The following KNG1 variants were observed in gnomAD, a reference collection of about 807,000 sequenced individuals.
KNG1 encodes the protein kininogen 1.
In KNG1, 23 loss-of-function variants were observed where a neutral mutation model predicts 47.8. The observed-to-expected ratio is 0.48, with a 90% confidence interval of 0.35 to 0.68. The LOEUF (loss-of-function observed/expected upper bound fraction) is 0.68. Ranked by LOEUF, KNG1 falls within the 30% of genes least tolerant of loss-of-function variation. KNG1 has a pLI of 0.01. For missense variants in KNG1, 762 were observed against 790.2 expected, an observed-to-expected ratio of 0.96 and a Z score of 0.43; for synonymous variants, 277 against 277.0, an observed-to-expected ratio of 1.00 and a Z score of 0.00.
intron 5 of KNG1, among the ~76,000 whole-genome samples, chr3:186,729,286 A>T (rs1240033766): frequency 6.6e-6 from 1 of 152,200 alleles, no homozygotes; most frequent in South Asian, 2.1e-4. Context: ...AAACTTAACT[A>T]TAGAATTACT....
In KNG1 at chr3:186,727,358, A is replaced by C; in HGVS notation, c.672+14A>C. The C allele has an allele frequency of 6.9e-7, 1 of 1,456,208 alleles. No individual in the cohort carries two copies. The highest frequency in any genetic ancestry group is 9.6e-7 in the Non-Finnish European group (1 of 1,036,354). The allele number at this position is 1,456,208 out of a possible 1,614,324, so 90.2% of individuals were successfully genotyped here. ...CTTTGGAATGGTGTAAGTAGGCAAA[A>C]ATTTAATGATAAAGTTCTTAGCATT... On this transcript the variant is annotated intron_variant, in intron 5 of 9. Coordinates refer to ENST00000644859, the MANE Select transcript of KNG1 (RefSeq NM_001102416.3).
At chr3:186,719,586 A>G (rs1402912573) in intron 1 of KNG1, among the ~76,000 whole-genome samples, 5 of 152,038 alleles carry the variant, frequency 3.3e-5, no homozygotes, top group Non-Finnish European at 5.9e-5. Flanking sequence ...AAAAGTAGCC[A>G]GGCGTGGTGG....
chr3:186,743,366 C>A lies in KNG1; in HGVS notation c.*1035C>A. ...AGTCTTTTTGCTATGACTTTGAAGA[C>A]CATTGATTTTTGAGAAGCAGAATAA... On this transcript the variant is annotated 3_prime_UTR_variant, in exon 10 of 10. Coordinates refer to ENST00000644859, the MANE Select transcript of KNG1 (RefSeq NM_001102416.3). 1 of 273,406 alleles carries A rather than the reference C, an allele frequency of 3.7e-6. No homozygotes were observed. The highest frequency in any genetic ancestry group is 7.1e-6 in the Non-Finnish European group (1 of 140,892). 16.9% of individuals were successfully genotyped at this position (273,406 alleles called of 1,614,324 possible).
chr3:186,723,803 G>A (rs1014067436), intron 3 of KNG1, among the ~76,000 whole-genome samples: 1 of 151,878 alleles, frequency 6.6e-6, no homozygotes, highest in African/African-American at 2.4e-5. Flanking sequence ...TATGGGCATC[G>A]CCACCACGCC....
intron 1 of KNG1, 102 bp downstream of exon 1, chr3:186,717,839 ACCAC>A (rs1720031131): frequency 1.4e-6 from 1 of 705,506 alleles, no homozygotes; most frequent in Non-Finnish European, 2.4e-6. Flanking sequence ...AGCACCCACC[ACCAC>A]CACCCACCAC....
intron 2 of KNG1, 126 bp downstream of exon 2, chr3:186,720,341 G>A: frequency 1.4e-6 from 1 of 714,830 alleles, no homozygotes. Flanking sequence ...ACATTCCAAT[G>A]TGTAGAAAAG....
rs1473955142 is a variant in KNG1, at chr3:186,743,841, C to G, written c.*1510C>G. 2 of 1,201,512 alleles carry G rather than the reference C, an allele frequency of 1.7e-6. No individual in the cohort carries two copies. The highest frequency in any genetic ancestry group is 2.4e-5 in the South Asian group (2 of 82,562). The allele number at this position is 1,201,512 out of a possible 1,614,324, so 74.4% of individuals were successfully genotyped here. On this transcript the variant is annotated 3_prime_UTR_variant, in exon 10 of 10. Coordinates refer to ENST00000644859, the MANE Select transcript of KNG1 (RefSeq NM_001102416.3). Reference sequence around the variant, plus strand: ...TAGCCCCAACCACCTCTGCCAGCAACCTTGAGAGGAAGGACAAGAAGAAAG... The same window carrying G: ...TAGCCCCAACCACCTCTGCCAGCAAGCTTGAGAGGAAGGACAAGAAGAAAG...
intron 7 of KNG1, among the ~76,000 whole-genome samples, chr3:186,733,900 G>A (rs1365741550): frequency 2.0e-5 from 3 of 151,992 alleles, no homozygotes; most frequent in African/African-American, 2.4e-5. Flanking sequence ...CCCGGGAGGC[G>A]GAGGTTGCAA....
Position 186,720,173 on chromosome 3 carries a change from C to T in KNG1, c.264C>T (p.Gly88=). 6.2e-7 allele frequency: 1 copy of T among 1,613,742 alleles called. No homozygotes were observed. Among genetic ancestry groups the T allele is most frequent in the South Asian group, 1.1e-5 (1 of 91,072 alleles). ...AGGGGGATTGTCCTGTTCAAAGTGG[C>T]AAAACCTGGCAGGACTGTGAGTACA... is the stretch of plus-strand genomic sequence containing the variant. ...IKEGDCPVQS[G]KTWQDCEYKD... Residue 88 remains glycine (G), a synonymous_variant, in exon 2 of 10, where the codon GGC becomes GGT. Coordinates refer to ENST00000644859, the MANE Select transcript of KNG1 (RefSeq NM_001102416.3).
intron 5 of KNG1, among the ~76,000 whole-genome samples, chr3:186,730,087 G>A (rs541653221): frequency 5.3e-5 from 8 of 151,514 alleles, no homozygotes; most frequent in Admixed American, 2.6e-4. Context: ...AAATCATGTC[G>A]AGTCAAAAAT....
rs2108635734 is a variant in KNG1, at chr3:186,739,099, G to A, written c.931G>A (p.Val311Met). ...TACTTTGTACTAATTAATTTTTCAG[G>A]TGGTGGCTGGCAAGAAATATTTTAT... is the stretch of plus-strand genomic sequence containing the variant. The part of the protein sequence containing the change: ...IDNVKKARVQ[V>M]VAGKKYFIDF... The change falls in exon 8 of 10, where the codon GTG becomes ATG. Residue 311 changes from valine (V) to methionine (M), a missense_variant and splice_region_variant. By Grantham distance (21) the Val-to-Met change is conservative. Coordinates refer to ENST00000644859, the MANE Select transcript of KNG1 (RefSeq NM_001102416.3). The A allele has an allele frequency of 1.2e-6, 2 of 1,611,328 alleles. No individual in the cohort carries two copies. Among genetic ancestry groups the A allele is most frequent in the Non-Finnish European group, 1.7e-6 (2 of 1,177,626 alleles).
Position 186,734,057 on chromosome 3 carries a change from A to G in KNG1, c.930+1383A>G, listed in dbSNP as rs181849629. Among the ~76,000 whole-genome samples the G allele has an allele frequency of 2.0e-5, 3 of 152,312 alleles. No homozygotes were observed. In the East Asian group the frequency reaches 5.8e-4, roughly 29 times the overall value. ...CAGACCCCTATTTTAGAGACTAAAA[A>G]TTGGCTTCCCTAAATACAAGCTAAA... On this transcript the variant is annotated intron_variant, in intron 7 of 9. Coordinates refer to ENST00000644859, the MANE Select transcript of KNG1 (RefSeq NM_001102416.3).
chr3:186,737,732 A>G (rs1720703779), intron 7 of KNG1, among the ~76,000 whole-genome samples: 1 of 151,700 alleles, frequency 6.6e-6, no homozygotes, highest in Admixed American at 6.6e-5. Context: ...AATTTTTAGT[A>G]TTTTTAATAG....
At chr3:186,734,452 G>A (rs1162118825) in intron 7 of KNG1, among the ~76,000 whole-genome samples, 1 of 152,012 alleles carries the variant, frequency 6.6e-6, no homozygotes, top group Non-Finnish European at 1.5e-5. Context: ...TATCAGTTGT[G>A]TTATTTTAAA....
Position 186,743,220 on chromosome 3 carries a change from C to A in KNG1, c.*889C>A. 5.8e-6 allele frequency: 1 copy of A among 171,978 alleles called. No homozygotes were observed. The allele number at this position is 171,978 out of a possible 1,614,324, so 10.7% of individuals were successfully genotyped here. ...TGATAAGGATGAAAAGCAGAGGGAG[C>A]AATATAGAAGCAGGCTTGCTAATAA... On this transcript the variant is annotated 3_prime_UTR_variant, in exon 10 of 10. Coordinates refer to ENST00000644859, the MANE Select transcript of KNG1 (RefSeq NM_001102416.3).
At chr3:186,720,308 C>T (rs1456370481) in intron 2 of KNG1, 93 bp downstream of exon 2, 2 of 793,908 alleles carry the variant, frequency 2.5e-6, no homozygotes, top group African/African-American at 3.4e-5. Context: ...ACTGGTGAGC[C>T]TGTTTATGAG....
intron 2 of KNG1, chr3:186,722,117 CAAAAAAAAAAAA>C (rs56170982): frequency 1.4e-5 from 2 of 141,326 alleles, no homozygotes; most frequent in South Asian, 9.3e-5. Context: ...CACTCTGTCT[CAAAAAAAAAAAA>C]AAAAAAAAAA....
chr3:186,727,274 T>C lies in KNG1; in HGVS notation c.602T>C (p.Ile201Thr), dbSNP rs777364956. 7 of 1,613,926 alleles carry C rather than the reference T, an allele frequency of 4.3e-6. No homozygotes were observed. Among genetic ancestry groups the C allele is most frequent in the Non-Finnish European group, 5.9e-6 (7 of 1,179,822 alleles). ...AGLNFRITYS[I>T]VQTNCSKENF... Reference sequence around the variant, plus strand: ...TTGAACTTTCGAATTACCTACTCAATTGTGCAAACGAATTGTTCCAAAGAG... The same window carrying C: ...TTGAACTTTCGAATTACCTACTCAACTGTGCAAACGAATTGTTCCAAAGAG... Residue 201 changes from isoleucine to threonine, a missense_variant, in exon 5 of 10, where the codon ATT becomes ACT. By Grantham distance (89) the Ile-to-Thr change is moderately conservative (BLOSUM62 -1). Coordinates refer to ENST00000644859, the MANE Select transcript of KNG1 (RefSeq NM_001102416.3).
intron 2 of KNG1, 37 bp downstream of exon 2, chr3:186,720,252 T>C (rs930719306): frequency 2.0e-5 from 27 of 1,361,464 alleles, no homozygotes; most frequent in African/African-American, 2.9e-5. Context: ...TTCTGTTTTC[T>C]CCGTTGACCC....
Sources: allele counts gnomAD v4.1 joint callset (sites outside exome capture counted in the v4.1 genomes callset), GRCh38; gene constraint gnomAD v4.1.1; transcripts MANE v1.5; gene names NCBI Gene and HGNC (gene_info 2026-07-23, HGNC 2026-07-21).